ZNF138: variants seen among roughly 807,000 people sequenced by gnomAD.
ZNF138 encodes the protein zinc finger protein 138.
In ZNF138, 33 loss-of-function variants were observed where a neutral mutation model predicts 33.0. The observed-to-expected ratio is 1.00, with a 90% CI of 0.76 to 1.34. The LOEUF (loss-of-function observed/expected upper bound fraction) is 1.34, where lower values mean the gene tolerates loss of function less well. Ranked by LOEUF, ZNF138 falls within the 40% of genes most tolerant of loss-of-function variation. The pLI is 0.00. For synonymous variants in ZNF138, 139 were observed against 120.4 expected (o/e 1.15, Z -1.01); for missense variants, 360 against 370.8 (o/e 0.97, Z 0.24).
chr7:64,845,717 A>G, the ZNF138 span, among the ~76,000 whole-genome samples: 1 of 152,104 alleles, frequency 6.6e-6, no homozygotes, highest in Non-Finnish European at 1.5e-5. Flanking sequence ...GGCCATTTTT[A>G]TATCTTCTTT....
intron 1 of ZNF138, among the ~76,000 whole-genome samples, chr7:64,800,087 A>G (rs546902369): frequency 6.6e-6 from 1 of 152,350 alleles, no homozygotes; most frequent in East Asian, 1.9e-4. Context: ...GGAGACAGAA[A>G]AGAGAAGAAC....
chr7:64,798,709 C>T (rs947461854), intron 1 of ZNF138, among the ~76,000 whole-genome samples: 1 of 146,272 alleles, frequency 6.8e-6, no homozygotes, highest in East Asian at 2.0e-4. Flanking sequence ...AACCTGGAGG[C>T]GGAGGTTGTG....
At chr7:64,806,484 C>T (rs1281939896) in intron 1 of ZNF138, among the ~76,000 whole-genome samples, 1 of 152,126 alleles carries the variant, frequency 6.6e-6, no homozygotes, top group African/African-American at 2.4e-5. Context: ...CTTACAATGC[C>T]CACAATGTAC....
At chr7:64,826,847 G>A (rs769576744) in intron 3 of ZNF138, among the ~76,000 whole-genome samples, 5 of 150,752 alleles carry the variant, frequency 3.3e-5, no homozygotes, top group Non-Finnish European at 7.4e-5. Context: ...ACAAGGTTTT[G>A]CCATGTTGGC....
At chr7:64,848,865 A>G in the ZNF138 span, among the ~76,000 whole-genome samples, 3 of 151,816 alleles carry the variant, frequency 2.0e-5, no homozygotes, top group African/African-American at 7.2e-5. Context: ...CCACCACGCC[A>G]GGCTAATTTT....
chr7:64,794,602 A>G (rs749746218), intron 1 of ZNF138, 31 bp downstream of exon 1: 7 of 1,613,008 alleles, frequency 4.3e-6, no homozygotes, highest in Admixed American at 3.3e-5. Context: ...ATCCCGAGAG[A>G]GGGGGAGGGA....
the ZNF138 span, among the ~76,000 whole-genome samples, chr7:64,859,151 T>C: frequency 2.0e-5 from 3 of 152,012 alleles, no homozygotes; most frequent in Admixed American, 6.6e-5. Flanking sequence ...TGGTCTTGAA[T>C]TCCTGACCTT....
chr7:64,825,703 C>G (rs1315376997), intron 3 of ZNF138, among the ~76,000 whole-genome samples: 2 of 151,640 alleles, frequency 1.3e-5, no homozygotes, highest in Admixed American at 1.3e-4. Context: ...CCATGCCTAG[C>G]TAATTTTTGT....
chr7:64,831,429 T>C (rs769985064), intron 3 of ZNF138, 22 bp from the exon 4 acceptor site: 2 of 1,509,438 alleles, frequency 1.3e-6, no homozygotes, highest in South Asian at 2.8e-5. Flanking sequence ...TGGAGTAATT[T>C]GTTATTTTTT....
the ZNF138 span, among the ~76,000 whole-genome samples, chr7:64,860,583 A>T: frequency 6.6e-6 from 1 of 152,246 alleles, no homozygotes; most frequent in East Asian, 1.9e-4. Flanking sequence ...CTAATTAGGC[A>T]TATAAATAAA....
At chr7:64,815,762 CT>C in intron 3 of ZNF138, 109 bp downstream of exon 3, 1 of 1,042,326 alleles carries the variant, frequency 9.6e-7, no homozygotes, top group Non-Finnish European at 1.4e-6. Flanking sequence ...GAAATAGTTT[CT>C]GGAAAGCCTG....
At chr7:64,836,241 A>T (rs1790362519), downstream of ZNF138, 1 of 152,192 alleles carries the variant, frequency 6.6e-6, no homozygotes, top group South Asian at 2.1e-4. Context: ...GGGTAGGGAG[A>T]GGAACTGCTA....
the ZNF138 span, among the ~76,000 whole-genome samples, chr7:64,858,309 A>T: frequency 6.6e-6 from 1 of 152,324 alleles, no homozygotes; most frequent in Admixed American, 6.5e-5. Context: ...ATAAAAAGCA[A>T]ATGTGTCTTT....
intron 1 of ZNF138, among the ~76,000 whole-genome samples, chr7:64,804,645 G>A (rs1787429403): frequency 6.6e-6 from 1 of 152,126 alleles, no homozygotes; most frequent in East Asian, 1.9e-4. Flanking sequence ...GCCAGGTGTG[G>A]TGGCACATGC....
rs1346555677 is a variant in ZNF138, at chr7:64,794,564, T to C, written c.-5T>C. Reference sequence around the variant, plus strand: ...AAGACGCCAGGATCCCCCGGAAGCCTAGAAATGGTGAGAGTGCTGGGTCCG... The same window carrying C: ...AAGACGCCAGGATCCCCCGGAAGCCCAGAAATGGTGAGAGTGCTGGGTCCG... On this transcript the variant is annotated 5_prime_UTR_variant, in exon 1 of 4. Coordinates refer to ENST00000307355, the MANE Select transcript of ZNF138 (RefSeq NM_001271639.2). 6.2e-7 allele frequency: 1 copy of C among 1,613,418 alleles called. No homozygotes were observed. Among genetic ancestry groups the C allele is most frequent in the African/African-American group, 1.3e-5 (1 of 75,020 alleles).
At chr7:64,823,905 T>G (rs1789368417) in intron 3 of ZNF138, among the ~76,000 whole-genome samples, 1 of 152,152 alleles carries the variant, frequency 6.6e-6, no homozygotes, top group Non-Finnish European at 1.5e-5. Context: ...GCCACTGCAC[T>G]CCAGCCTGGG....
chr7:64,847,931 A>G, the ZNF138 span, among the ~76,000 whole-genome samples: 1 of 151,562 alleles, frequency 6.6e-6, no homozygotes, highest in Non-Finnish European at 1.5e-5. Flanking sequence ...TTTAAATTGT[A>G]TTTTTGTTTT....
At position 64,831,462 on chromosome 7, in the gene ZNF138, C is replaced by T. The variant is rs370280904; in HGVS notation, c.220C>T (p.Arg74Cys). ...TTTGTTTCTTTCAGCTCTGTGTTCT[C>T]GTTTTGCCCAAGACCTTTGGCTAGA... The part of the protein sequence containing the change: ...VVAKHSALCS[R>C]FAQDLWLEQN... Residue 74 changes from arginine to cysteine, a missense_variant, in exon 4 of 4, where the codon CGT becomes TGT. Transcript: ENST00000307355. 1.7e-5 allele frequency: 27 copies of T among 1,553,222 alleles called. No homozygotes were observed. The highest frequency in any genetic ancestry group is 2.2e-5 in the Non-Finnish European group (25 of 1,155,498).
chr7:64,818,838 A>G (rs1788886428), intron 3 of ZNF138, among the ~76,000 whole-genome samples: 1 of 152,150 alleles, frequency 6.6e-6, no homozygotes, highest in Non-Finnish European at 1.5e-5. Flanking sequence ...TTTTACTGCC[A>G]TACAGTGGAT....
Sources: allele counts gnomAD v4.1 joint callset (sites outside exome capture counted in the v4.1 genomes callset), GRCh38; gene constraint gnomAD v4.1.1; transcripts MANE v1.5; gene names NCBI Gene and HGNC (gene_info 2026-07-23, HGNC 2026-07-21).